The following WDR49 variants were observed in gnomAD, a reference collection of about 807,000 sequenced individuals.
WDR49 encodes cilia- and flagella-associated protein 337.
Under a neutral mutation model 119.5 loss-of-function variants are expected in WDR49, and 107 were observed. The observed-to-expected ratio is 0.90, with a 90% CI of 0.77 to 1.05. WDR49 has a LOEUF of 1.05. Among genes scored for constraint, WDR49 ranks in the 50% least tolerant of loss-of-function variants. The pLI, the probability that WDR49 is intolerant of heterozygous loss-of-function variation, is 0.00. For synonymous variants in WDR49, 425 were observed against 418.8 expected (o/e 1.01, Z -0.18); for missense variants, 1,240 against 1,220.5 (o/e 1.02, Z -0.24).
intron 8 of WDR49, among the ~76,000 whole-genome samples, chr3:167,570,301 C>G (rs2108279028): frequency 6.6e-6 from 1 of 152,294 alleles, no homozygotes; most frequent in South Asian, 2.1e-4. Context: ...TCCCTCAAGC[C>G]TGTCCTCTTT....
chr3:167,561,576 G>C (rs1056559691), intron 8 of WDR49, among the ~76,000 whole-genome samples: 7 of 152,156 alleles, frequency 4.6e-5, no homozygotes, highest in Admixed American at 3.3e-4. Flanking sequence ...TGGAAAACCT[G>C]AAATCCACTT....
chr3:167,647,862 C>A (rs1490300365), intron 2 of WDR49, among the ~76,000 whole-genome samples: 4 of 152,144 alleles, frequency 2.6e-5, no homozygotes, highest in African/African-American at 9.7e-5. Flanking sequence ...TTTCATTCTT[C>A]CACCCTTTCT....
intron 2 of WDR49, among the ~76,000 whole-genome samples, chr3:167,636,755 AT>A (rs1717639265): frequency 6.6e-6 from 1 of 151,622 alleles, no homozygotes; most frequent in African/African-American, 2.4e-5. Flanking sequence ...AATGTTGAGC[AT>A]TTTTTCATAT....
Position 167,604,382 on chromosome 3 carries a change from T to C in WDR49, c.1045A>G (p.Lys349Glu). The change falls in exon 6 of 19, where the codon AAA (lysine) becomes GAA (glutamate). Residue 349 changes from lysine to glutamate, a missense_variant. Lys to Glu is a moderately conservative substitution (Grantham distance 56). Coordinates refer to ENST00000682715, the MANE Select transcript of WDR49 (RefSeq NM_001366157.1). Reference sequence around the variant, plus strand: ...AAGGATGTCATATTAAGACGCTTTTTTGATTTCTCTCTCCAAGCCATCACC... The same window carrying C: ...AAGGATGTCATATTAAGACGCTTTTCTGATTTCTCTCTCCAAGCCATCACC... ...SVVMAWREKSKKRLNMTSFNI... is the reference protein window; with the variant it reads ...SVVMAWREKSEKRLNMTSFNI... The C allele has an allele frequency of 6.2e-7, 1 of 1,613,828 alleles. No homozygotes were observed. Among genetic ancestry groups the C allele is most frequent in the Non-Finnish European group, 8.5e-7 (1 of 1,179,886 alleles).
At chr3:167,572,867 T>G (rs142356833) in intron 8 of WDR49, among the ~76,000 whole-genome samples, 2 of 152,188 alleles carry the variant, frequency 1.3e-5, no homozygotes, top group African/African-American at 4.8e-5. Flanking sequence ...GAAACTGCAA[T>G]GGCGAAGAAG....
At chr3:167,640,807 G>T (rs1717846153) in intron 2 of WDR49, among the ~76,000 whole-genome samples, 1 of 151,648 alleles carries the variant, frequency 6.6e-6, no homozygotes, top group South Asian at 2.1e-4. Context: ...GAAATGGGAG[G>T]TGGAAAGGAT....
At chr3:167,527,159 A>T (rs1161847949) in intron 15 of WDR49, among the ~76,000 whole-genome samples, 1 of 152,254 alleles carries the variant, frequency 6.6e-6, no homozygotes, top group Non-Finnish European at 1.5e-5. Context: ...AACTTGAGTT[A>T]AAAACAAAAC....
intron 2 of WDR49, among the ~76,000 whole-genome samples, chr3:167,651,594 ATT>A (rs5854244): frequency 6.6e-4 from 98 of 147,616 alleles, no homozygotes; most frequent in Middle Eastern, 3.5e-3. Flanking sequence ...GATGAACTTC[ATT>A]TTTTTTTTTT....
At chr3:167,599,880 C>T (rs570035748) in intron 7 of WDR49, among the ~76,000 whole-genome samples, 31 of 152,130 alleles carry the variant, frequency 2.0e-4, no homozygotes, top group Non-Finnish European at 4.1e-4. Flanking sequence ...TCGGTCTCAC[C>T]CAAGTTCCAT....
In WDR49 at chr3:167,560,096, G is replaced by T; in HGVS notation, c.1642C>A (p.Leu548Ile). Reference sequence around the variant, plus strand: ...GTCCCATCTGTGCTGCCAGTCAAAAGCCGAGTCTCATTTGCATCAAGGGCC... The same window carrying T: ...GTCCCATCTGTGCTGCCAGTCAAAATCCGAGTCTCATTTGCATCAAGGGCC... ...TMALDANETR[L>I]LTGSTDGTVK... Residue 548 changes from leucine to isoleucine, a missense_variant, in exon 9 of 19, where the codon CTT becomes ATT. Coordinates refer to ENST00000682715, the MANE Select transcript of WDR49 (RefSeq NM_001366157.1). 1 of 1,614,160 alleles carries T rather than the reference G, an allele frequency of 6.2e-7. No homozygotes were observed. Among genetic ancestry groups the T allele is most frequent in the Non-Finnish European group, 8.5e-7 (1 of 1,180,024 alleles).
At chr3:167,541,401 C>T (rs1218745066) in intron 10 of WDR49, among the ~76,000 whole-genome samples, 1 of 152,128 alleles carries the variant, frequency 6.6e-6, no homozygotes, top group Non-Finnish European at 1.5e-5. Flanking sequence ...TATCTTTAGC[C>T]TCCTCAAACA....
intron 18 of WDR49, among the ~76,000 whole-genome samples, chr3:167,485,676 A>T (rs1404407806): frequency 1.3e-5 from 2 of 152,096 alleles, no homozygotes; most frequent in African/African-American, 4.8e-5. Context: ...GCACTCAAAG[A>T]CTGGTTCTTC....
chr3:167,563,353 CAA>C lies in WDR49; in HGVS notation c.1510-3127_1510-3126del, dbSNP rs61247447. 5.0e-3 allele frequency among the ~76,000 whole-genome samples: 277 copies of C among 55,854 alleles called. 2 individuals are homozygous for C. The highest frequency in any genetic ancestry group is 0.016 in the African/African-American group (247 of 15,464). The allele number at this position is 55,854 out of a possible 152,430, so 36.6% of individuals were successfully genotyped here. A position where few individuals can be genotyped will look rare whatever the true frequency, so the allele number is the denominator to read the frequency against. ...TGGGCTACAGAGCGAGATTCTGAATCAAAAAAAAAAAAAAAAAAAAAAAAGAA... is the reference window on the plus strand; with the variant it reads ...TGGGCTACAGAGCGAGATTCTGAATCAAAAAAAAAAAAAAAAAAAAAAGAA... On this transcript the variant is annotated intron_variant, in intron 8 of 18. Coordinates refer to ENST00000682715, the MANE Select transcript of WDR49 (RefSeq NM_001366157.1).
At chr3:167,558,856 G>T (rs990238656) in intron 9 of WDR49, among the ~76,000 whole-genome samples, 7 of 152,096 alleles carry the variant, frequency 4.6e-5, no homozygotes, top group Non-Finnish European at 8.8e-5. Context: ...CACACCCCAG[G>T]ACTGGTAAGC....
In WDR49 at chr3:167,635,066, C is replaced by T. The variant is rs569610343; in HGVS notation, c.166-7774G>A. 2.0e-3 allele frequency among the ~76,000 whole-genome samples: 303 copies of T among 151,688 alleles called. 1 individual carries two copies. Among genetic ancestry groups the T allele is most frequent in the Non-Finnish European group, 3.3e-3 (221 of 67,744 alleles). ...AGAAGACATACAATTATTTATAACC[C>T]CATTATTAAAAATTTCAATTATTCC... On this transcript the variant is annotated intron_variant, in intron 2 of 18. Transcript: ENST00000682715.
chr3:167,548,052 A>C, intron 10 of WDR49, among the ~76,000 whole-genome samples: 1 of 152,074 alleles, frequency 6.6e-6, no homozygotes, highest in East Asian at 1.9e-4. Flanking sequence ...ACACAAGCCA[A>C]GTTGTTACCA....
At chr3:167,510,000 A>G (rs1042099740) in intron 16 of WDR49, among the ~76,000 whole-genome samples, 1 of 152,240 alleles carries the variant, frequency 6.6e-6, no homozygotes, top group African/African-American at 2.4e-5. Context: ...GCAAGGTCTT[A>G]AAAGTGAAAT....
intron 5 of WDR49, among the ~76,000 whole-genome samples, chr3:167,616,867 G>T (rs1274125640): frequency 6.6e-6 from 1 of 152,138 alleles, no homozygotes. Context: ...TGTTATACTG[G>T]ATACTAAGGT....
chr3:167,565,366 A>G (rs1206542708), intron 8 of WDR49, among the ~76,000 whole-genome samples: 6 of 141,816 alleles, frequency 4.2e-5, no homozygotes, highest in Non-Finnish European at 6.1e-5. Flanking sequence ...GAAAAAAAAA[A>G]AAGCATATCT....
Sources: gnomAD v4.1 joint callset for allele counts (sites outside exome capture counted in the v4.1 genomes callset) on GRCh38, gnomAD v4.1.1 for gene constraint, MANE v1.5 for transcripts, NCBI Gene and HGNC (gene_info 2026-07-23, HGNC 2026-07-21) for gene names.